RLN2: variants seen among roughly 807,000 people sequenced by gnomAD.
RLN2 encodes the protein relaxin 2.
Under a neutral mutation model 7.3 loss-of-function variants are expected in RLN2, and 10 were observed. That is an observed-to-expected ratio of 1.36 (90% CI 0.84 to 2.31). The LOEUF (loss-of-function observed/expected upper bound fraction) is 2.31. Ranked by LOEUF, RLN2 falls within the 30% of genes most tolerant of loss-of-function variation. The pLI, the probability that RLN2 is intolerant of heterozygous loss-of-function variation, is 0.00. For missense variants in RLN2, 298 were observed against 217.6 expected (o/e 1.37, Z -2.32); for synonymous variants, 103 against 82.3 (o/e 1.25, Z -1.36).
chr9:5,304,484 T>G lies in RLN2; in HGVS notation c.97A>C (p.Lys33Gln). The change falls in exon 1 of 2, where the codon AAA becomes CAA. Residue 33 changes from lysine (K) to glutamine (Q), a missense_variant. Physicochemically the swap from Lys to Gln is moderately conservative, Grantham distance 53 (BLOSUM62 1). Coordinates refer to ENST00000381627, the MANE Select transcript of RLN2 (RefSeq NM_134441.3). The part of the protein sequence containing the change: ...VADSWMEEVI[K>Q]LCGRELVRAQ... ...CGAACTAATTCGCGGCCGCATAATT[T>G]AATAACTTCCTCCATCCATGAGTCC... The G allele has an allele frequency of 1.2e-6, 2 of 1,613,674 alleles. No homozygotes were observed. The highest frequency in any genetic ancestry group is 1.7e-6 in the Non-Finnish European group (2 of 1,179,886).
the RLN2 span, chr9:5,335,276 T>G: frequency 1.3e-6 from 2 of 1,594,926 alleles, no homozygotes; most frequent in Non-Finnish European, 1.7e-6. Flanking sequence ...AAGAGACCTT[T>G]TGGTACAACC....
chr9:5,335,538 T>C, the RLN2 span: 3 of 1,612,938 alleles, frequency 1.9e-6, no homozygotes, highest in Non-Finnish European at 1.7e-6. Context: ...AAATTAGCAA[T>C]GAATTCCAAC....
rs536169715 is a variant in RLN2 at position 5,304,236 on chromosome 9, G to A, written c.211+134C>T. 10 of 609,862 alleles carry A rather than the reference G, an allele frequency of 1.6e-5. No homozygotes were observed. In the East Asian group the frequency reaches 2.9e-4, roughly 18 times the overall value. The allele number at this position is 609,862 out of a possible 1,614,324, so 37.8% of individuals were successfully genotyped here. On this transcript the variant is annotated intron_variant, in intron 1 of 1. Transcript: ENST00000381627. ...GCCCAAACTTTAGGGACCAGCCACG[G>A]CTGAGTAGGGGCTGAGCGGTGGCAG...
At chr9:5,336,837 A>C in the RLN2 span, among the ~76,000 whole-genome samples, 2 of 151,958 alleles carry the variant, frequency 1.3e-5, no homozygotes, top group African/African-American at 4.8e-5. Flanking sequence ...CTGGTTAACC[A>C]CTGATGCCTG....
the RLN2 span, among the ~76,000 whole-genome samples, chr9:5,328,454 C>T: frequency 3.3e-5 from 5 of 151,932 alleles, no homozygotes; most frequent in Non-Finnish European, 7.4e-5. Context: ...CTGGAAGTGA[C>T]GGGGAGAATG....
chr9:5,317,389 T>G, the RLN2 span, among the ~76,000 whole-genome samples: 2 of 149,956 alleles, frequency 1.3e-5, no homozygotes, highest in Non-Finnish European at 3.0e-5. Context: ...GAGGCAGAGG[T>G]TGCAATGAGC....
At chr9:5,323,156 T>G in the RLN2 span, among the ~76,000 whole-genome samples, 1 of 151,836 alleles carries the variant, frequency 6.6e-6, no homozygotes, top group African/African-American at 2.4e-5. Flanking sequence ...CACTCCCCAG[T>G]ACCCCCAAAT....
rs1256483285 is a variant in RLN2 at position 5,304,647 on chromosome 9, A to G, written c.-67T>C. On this transcript the variant is annotated 5_prime_UTR_variant, in exon 1 of 2. Transcript: ENST00000381627. ...TTCAGGACTGCAGCTGCTGTGGCCT[A>G]CACACCTGGGCCTGTGTGCCTGTCC... is the stretch of plus-strand genomic sequence containing the variant. 3 of 1,523,728 alleles carry G rather than the reference A, an allele frequency of 2.0e-6. No homozygotes were observed. Among genetic ancestry groups the G allele is most frequent in the Admixed American group, 1.7e-5 (1 of 59,228 alleles). The allele number at this position is 1,523,728 out of a possible 1,614,324, so 94.4% of individuals were successfully genotyped here.
Position 5,300,446 on chromosome 9 carries a change from T to C in RLN2, c.212-2A>G. ...TGTTGATGAAGGATGGCACAATTTC[T>C]GTTAAATTTAAAAAAAAAGGTGTAT... is the stretch of plus-strand genomic sequence containing the variant. On this transcript the variant is annotated splice_acceptor_variant, in intron 1 of 1. Coordinates refer to ENST00000381627, the MANE Select transcript of RLN2 (RefSeq NM_134441.3). LOFTEE classifies it high-confidence loss of function. 1.9e-6 allele frequency: 3 copies of C among 1,588,616 alleles called. No individual in the cohort carries two copies. Among genetic ancestry groups the C allele is most frequent in the Middle Eastern group, 1.7e-4 (1 of 5,934 alleles).
the RLN2 span, among the ~76,000 whole-genome samples, chr9:5,332,861 C>T: frequency 2.0e-5 from 3 of 152,032 alleles, no homozygotes; most frequent in Admixed American, 6.5e-5. Flanking sequence ...AGGTGATCCA[C>T]CTGCCTCGGC....
At chr9:5,335,936 C>G in the RLN2 span, among the ~76,000 whole-genome samples, 5 of 152,116 alleles carry the variant, frequency 3.3e-5, no homozygotes, top group Admixed American at 2.0e-4. Context: ...ACAGTTTGGC[C>G]ACACATAGTG....
the RLN2 span, among the ~76,000 whole-genome samples, chr9:5,330,617 G>A: frequency 6.5e-4 from 77 of 117,914 alleles, 1 homozygote; most frequent in African/African-American, 2.4e-3. Context: ...CAGCCTGGGC[G>A]ACAGAGCAAG....
intron 1 of RLN2, among the ~76,000 whole-genome samples, chr9:5,302,420 G>A (rs1170112893): frequency 6.6e-6 from 1 of 152,176 alleles, no homozygotes; most frequent in Non-Finnish European, 1.5e-5. Flanking sequence ...ATGTAATAAT[G>A]TGGAAGCAAA....
At chr9:5,331,495 G>C in the RLN2 span, among the ~76,000 whole-genome samples, 2 of 151,940 alleles carry the variant, frequency 1.3e-5, no homozygotes, top group African/African-American at 2.4e-5. Flanking sequence ...CCATAAAAAA[G>C]GATGAGTTCA....
the RLN2 span, among the ~76,000 whole-genome samples, chr9:5,314,513 C>G: frequency 6.6e-6 from 1 of 152,018 alleles, no homozygotes; most frequent in Non-Finnish European, 1.5e-5. Flanking sequence ...TGGCCAAACC[C>G]AATCAGTTGC....
At chr9:5,335,339 G>A in the RLN2 span, 14 of 1,612,586 alleles carry the variant, frequency 8.7e-6, no homozygotes, top group African/African-American at 1.3e-5. Context: ...CTTTTTTTGA[G>A]AATGAGTATC....
rs191504460 is a variant in RLN2 at position 5,304,709 on chromosome 9, G to C, written c.-129C>G. ...CTGCTTTCCCTACCCGGCTCAAGCGGTCTTTTGTATCCCTTGGGCTATCAC... is the reference window on the plus strand; with the variant it reads ...CTGCTTTCCCTACCCGGCTCAAGCGCTCTTTTGTATCCCTTGGGCTATCAC... On this transcript the variant is annotated 5_prime_UTR_variant, in exon 1 of 2. Transcript: ENST00000381627. 1 of 909,972 alleles carries C rather than the reference G, an allele frequency of 1.1e-6. No homozygotes were observed. The highest frequency in any genetic ancestry group is 2.5e-5 in the East Asian group (1 of 40,156). 56.4% of individuals were successfully genotyped at this position (909,972 alleles called of 1,614,324 possible).
chr9:5,316,899 G>T, the RLN2 span, among the ~76,000 whole-genome samples: 1 of 151,938 alleles, frequency 6.6e-6, no homozygotes, highest in African/African-American at 2.4e-5. Context: ...AACTAATTTA[G>T]AAATACATAA....
Position 5,299,894 on chromosome 9 carries a change from C to T in RLN2, c.*204G>A. 1 of 410,034 alleles carries T rather than the reference C, an allele frequency of 2.4e-6. No homozygotes were observed. The highest frequency in any genetic ancestry group is 3.7e-5 in the East Asian group (1 of 26,792). The allele number at this position is 410,034 out of a possible 1,614,324, so 25.4% of individuals were successfully genotyped here. ...AGCAAAAAAATGTGTCATTTAATCA[C>T]ACAAAGAACATTTTCTTACACATCA... On this transcript the variant is annotated 3_prime_UTR_variant, in exon 2 of 2. Coordinates refer to ENST00000381627, the MANE Select transcript of RLN2 (RefSeq NM_134441.3).
Sources: allele counts gnomAD v4.1 joint callset (sites outside exome capture counted in the v4.1 genomes callset), GRCh38; gene constraint gnomAD v4.1.1; transcripts MANE v1.5; gene names NCBI Gene and HGNC (gene_info 2026-07-23, HGNC 2026-07-21).